Variants in DAW1 observed in about 807,000 individuals in gnomAD.
The protein encoded by DAW1 is dynein assembly factor with WD repeats 1.
Under a neutral mutation model 56.5 loss-of-function variants are expected in DAW1, and 47 were observed. The observed-to-expected ratio is 0.83, with a 90% CI of 0.66 to 1.06. The LOEUF (loss-of-function observed/expected upper bound fraction) is 1.06, where lower values mean the gene tolerates loss of function less well. DAW1 is among the 50% of genes least tolerant of loss of function. DAW1 has a pLI of 0.00. For missense variants in DAW1, 505 were observed against 499.3 expected (o/e 1.01, Z -0.11); for synonymous variants, 190 against 179.0 (o/e 1.06, Z -0.49).
In DAW1 at chr2:227,885,438, G is replaced by A; in HGVS notation, c.113+15G>A. ...CTTGGTCCCAGGTAAGTAAGCTGTA[G>A]GATTCAACAAATAAATGTTCACTGG... On this transcript the variant is annotated intron_variant, in intron 2 of 12. Coordinates refer to ENST00000309931, the MANE Select transcript of DAW1 (RefSeq NM_178821.3). The A allele has an allele frequency of 6.3e-7, 1 of 1,584,774 alleles. No individual in the cohort carries two copies. Among genetic ancestry groups the A allele is most frequent in the Non-Finnish European group, 8.6e-7 (1 of 1,166,678 alleles).
intron 1 of DAW1, among the ~76,000 whole-genome samples, chr2:227,872,693 C>A (rs182893707): frequency 7.2e-6 from 1 of 138,846 alleles, no homozygotes. Flanking sequence ...CCTCCCCCAC[C>A]CCCCCAACCC....
chr2:227,887,751 C>G (rs994045574), intron 2 of DAW1: 1 of 152,160 alleles, frequency 6.6e-6, no homozygotes, highest in Non-Finnish European at 1.5e-5. Flanking sequence ...AAGGCATAGC[C>G]ACTCATAAAC....
chr2:227,893,003 C>T (rs913752735), intron 4 of DAW1, among the ~76,000 whole-genome samples: 18 of 151,694 alleles, frequency 1.2e-4, no homozygotes, highest in South Asian at 4.2e-4. Context: ...GGTGTGGTGG[C>T]GCACGCCTGT....
At chr2:227,922,587 G>C (rs1407077546) in intron 12 of DAW1, among the ~76,000 whole-genome samples, 1 of 152,148 alleles carries the variant, frequency 6.6e-6, no homozygotes, top group Non-Finnish European at 1.5e-5. Flanking sequence ...AGTCTAATAA[G>C]TTAAATGCCA....
intron 1 of DAW1, among the ~76,000 whole-genome samples, chr2:227,877,504 A>G (rs961219844): frequency 6.6e-6 from 1 of 152,166 alleles, no homozygotes; most frequent in African/African-American, 2.4e-5. Flanking sequence ...CCTTTTGCTC[A>G]TATTGGAGCT....
rs116282299 is a variant in DAW1 at position 227,902,513 on chromosome 2, G to A, written c.541-489G>A. 7.2e-3 allele frequency among the ~76,000 whole-genome samples: 1,102 copies of A among 152,224 alleles called. 9 individuals are homozygous for A. The highest frequency in any genetic ancestry group is 0.019 in the South Asian group (90 of 4,824). ...AGAGAAGATAATACTAAGGTCCATG[G>A]TGTGGCCATGGGAGAGACTACTGAA... On this transcript the variant is annotated intron_variant, in intron 6 of 12. Transcript: ENST00000309931.
chr2:227,911,657 C>A (rs1691831386), intron 10 of DAW1, among the ~76,000 whole-genome samples: 1 of 152,028 alleles, frequency 6.6e-6, no homozygotes, highest in Non-Finnish European at 1.5e-5. Context: ...TACTTTGTCT[C>A]CCTGATGATC....
At chr2:227,910,610 A>G (rs113833385) in intron 10 of DAW1, among the ~76,000 whole-genome samples, 26 of 152,138 alleles carry the variant, frequency 1.7e-4, no homozygotes, top group African/African-American at 6.0e-4. Flanking sequence ...TTATTACTAT[A>G]TCACCCCTTT....
chr2:227,906,432 G>A (rs1378843670), intron 9 of DAW1, 94 bp downstream of exon 9: 2 of 848,846 alleles, frequency 2.4e-6, no homozygotes, highest in Non-Finnish European at 3.3e-6. Context: ...TTTCAAAGAT[G>A]ATATAAAATT....
rs1054253591 is a variant in DAW1, at chr2:227,889,306, C to T, written c.114-550C>T. Among the ~76,000 whole-genome samples, 5 of 152,148 alleles carry T rather than the reference C, an allele frequency of 3.3e-5. 1 individual carries two copies. The highest frequency in any genetic ancestry group is 6.5e-5 in the Admixed American group (1 of 15,272). The stretch of plus-strand genomic sequence containing the variant: ...ACTGAGAAATCCAAGATCAAGGCCC[C>T]TACAAGTTTGGCATCTGATGAGGGC... On this transcript the variant is annotated intron_variant, in intron 2 of 12. Coordinates refer to ENST00000309931, the MANE Select transcript of DAW1 (RefSeq NM_178821.3).
At chr2:227,903,589 C>A (rs1394837734) in intron 7 of DAW1, among the ~76,000 whole-genome samples, 4 of 152,080 alleles carry the variant, frequency 2.6e-5, no homozygotes, top group Non-Finnish European at 4.4e-5. Context: ...GTGGGGCATG[C>A]TCTTGTGTGT....
At chr2:227,874,007 G>A (rs114690298) in intron 1 of DAW1, among the ~76,000 whole-genome samples, 299 of 152,266 alleles carry the variant, frequency 2.0e-3, no homozygotes, top group African/African-American at 6.9e-3. Flanking sequence ...TTTAAATTAG[G>A]CATAGGTAGA....
At chr2:227,892,200 T>G (rs935745740) in intron 4 of DAW1, among the ~76,000 whole-genome samples, 1 of 152,170 alleles carries the variant, frequency 6.6e-6, no homozygotes, top group Non-Finnish European at 1.5e-5. Context: ...TGGCACGATC[T>G]TGGCTCACTG....
intron 10 of DAW1, among the ~76,000 whole-genome samples, chr2:227,907,469 A>G (rs1251897489): frequency 2.0e-5 from 3 of 152,194 alleles, no homozygotes; most frequent in Non-Finnish European, 4.4e-5. Flanking sequence ...CACCTCCTAC[A>G]TAACGAGGTA....
chr2:227,909,725 G>C (rs1035561106), intron 10 of DAW1, among the ~76,000 whole-genome samples: 2 of 152,256 alleles, frequency 1.3e-5, no homozygotes, highest in Admixed American at 1.3e-4. Context: ...CTCGATGACC[G>C]AGGGCCAGAG....
intron 11 of DAW1, 144 bp downstream of exon 11, chr2:227,919,000 G>C: frequency 1.2e-6 from 1 of 830,484 alleles, no homozygotes; most frequent in East Asian, 2.7e-5. Context: ...TTCAAGACCA[G>C]CCTGGGCAAC....
intron 4 of DAW1, among the ~76,000 whole-genome samples, chr2:227,892,801 T>C (rs1282234933): frequency 1.3e-5 from 2 of 152,182 alleles, no homozygotes; most frequent in African/African-American, 4.8e-5. Context: ...TGGGGAAATA[T>C]ATTTTTGTTA....
chr2:227,900,335 T>C (rs529939120), intron 6 of DAW1, among the ~76,000 whole-genome samples: 6 of 152,224 alleles, frequency 3.9e-5, no homozygotes, highest in Non-Finnish European at 7.3e-5. Flanking sequence ...TAGGGAGACA[T>C]TCATCTTTTT....
intron 1 of DAW1, among the ~76,000 whole-genome samples, chr2:227,883,492 T>C (rs1025662350): frequency 1.1e-4 from 16 of 152,344 alleles, no homozygotes; most frequent in African/African-American, 3.6e-4. Context: ...TTAATGCAAG[T>C]ATATGGAAAA....
Sources: allele counts gnomAD v4.1 joint callset (sites outside exome capture counted in the v4.1 genomes callset), GRCh38; gene constraint gnomAD v4.1.1; transcripts MANE v1.5; gene names NCBI Gene and HGNC (gene_info 2026-07-23, HGNC 2026-07-21).